Variants in DERL2 observed in about 807,000 individuals in gnomAD.
DERL2 encodes the protein derlin-2.
DERL2 carries 13 observed loss-of-function variants against 32.0 expected under a neutral mutation model. The ratio of observed to expected loss-of-function variants is 0.41; its 90% confidence interval spans 0.26 to 0.65. The LOEUF is 0.65. Among genes scored for constraint, DERL2 ranks in the 30% least tolerant of loss-of-function variants. The pLI is 0.35. For synonymous variants in DERL2, 111 were observed against 104.7 expected (o/e 1.06, Z -0.37); for missense variants, 208 against 296.3 (o/e 0.70, Z 2.19).
intron 6 of DERL2, among the ~76,000 whole-genome samples, chr17:5,475,846 A>G (rs1396205361): frequency 2.0e-5 from 3 of 152,214 alleles, no homozygotes; most frequent in Non-Finnish European, 4.4e-5. Flanking sequence ...AAAAAGGACA[A>G]ATATTGTATG....
chr17:5,471,266 TA>T lies in DERL2; in HGVS notation c.*3417del, dbSNP rs1371360317. ...TACCAGATAATACTTTGCTGATCAA[TA>T]AACAAAGGTATTTATTCAGCACCCA... On this transcript the variant is annotated 3_prime_UTR_variant, in exon 7 of 7. Transcript: ENST00000158771. 1 of 152,250 alleles carries T rather than the reference TA, an allele frequency of 6.6e-6. No homozygotes were observed. The highest frequency in any genetic ancestry group is 1.5e-5 in the Non-Finnish European group (1 of 68,036). The allele number at this position is 152,250 out of a possible 1,614,324, so 9.4% of individuals were successfully genotyped here.
chr17:5,482,730 A>C (rs1380838937), intron 3 of DERL2, 79 bp downstream of exon 3: 1 of 804,900 alleles, frequency 1.2e-6, no homozygotes, highest in African/African-American at 1.8e-5. Flanking sequence ...AAAAACAAGT[A>C]ACAGGATGAA....
chr17:5,481,201 G>T lies in DERL2; in HGVS notation c.327+95C>A. On this transcript the variant is annotated intron_variant, in intron 4 of 6. Transcript: ENST00000158771. This position sits in a 1 kb window ranked among gnomAD's most constrained non-coding sequence, Gnocchi z 4.4. Reference sequence around the variant, plus strand: ...GTAAAATAAATGATAGTGCCCTGAAGCTAAGATCTAGAGAACTGTGGGAGA... The same window carrying T: ...GTAAAATAAATGATAGTGCCCTGAATCTAAGATCTAGAGAACTGTGGGAGA... The T allele has an allele frequency of 4.3e-6, 4 of 921,912 alleles. No homozygotes were observed. The highest frequency in any genetic ancestry group is 7.1e-6 in the Non-Finnish European group (4 of 566,188). 57.1% of individuals were successfully genotyped at this position (921,912 alleles called of 1,614,324 possible).
At chr17:5,484,969 C>G (rs1381846064) in intron 2 of DERL2, among the ~76,000 whole-genome samples, 182 bp downstream of exon 2, 1 of 152,248 alleles carries the variant, frequency 6.6e-6, no homozygotes. Flanking sequence ...TTCAAAGTTC[C>G]CTAAGGGATT....
At position 5,472,581 on chromosome 17, in the gene DERL2, T is replaced by C. The variant is rs1413347944; in HGVS notation, c.*2103A>G. 1 of 152,240 alleles carries C rather than the reference T, an allele frequency of 6.6e-6. No homozygotes were observed. The highest frequency in any genetic ancestry group is 1.5e-5 in the Non-Finnish European group (1 of 68,046). The allele number at this position is 152,240 out of a possible 1,614,324, so 9.4% of individuals were successfully genotyped here. On this transcript the variant is annotated 3_prime_UTR_variant, in exon 7 of 7. Coordinates refer to ENST00000158771, the MANE Select transcript of DERL2 (RefSeq NM_016041.5). ...CAAAAACCCTGTAACTGCCTGCCTT[T>C]AGGCTGTATATTCAAAATGTATTTC...
In DERL2 at chr17:5,481,359, G is replaced by A. The variant is rs771869791; in HGVS notation, c.264C>T (p.Gly88=). 3.0e-5 allele frequency: 49 copies of A among 1,613,938 alleles called. No individual in the cohort carries two copies. Among genetic ancestry groups the A allele is most frequent in the East Asian group, 2.5e-4 (11 of 44,892 alleles). Residue 88 remains glycine (G), a synonymous_variant, in exon 4 of 7, where the codon GGC becomes GGT. Transcript: ENST00000158771. The surrounding 1 kb of genome is among the most constrained non-coding windows in gnomAD (Gnocchi z 4.4). ...AGTCTGCTGTCCGACCTCGGAAAGAGCCTTCTTCTAGCATTCGACAGTAAC... is the reference window on the plus strand; with the variant it reads ...AGTCTGCTGTCCGACCTCGGAAAGAACCTTCTTCTAGCATTCGACAGTAAC... ...LYRYCRMLEE[G]SFRGRTADFV...
chr17:5,474,873 GT>G lies in DERL2; in HGVS notation c.615-85del, dbSNP rs1479284197. ...ACAAGGTCAGTTCAGGCCCCATAGG[GT>G]TTCCACCAATAGGTAAGCATTACAC... On this transcript the variant is annotated intron_variant, in intron 6 of 6. Coordinates refer to ENST00000158771, the MANE Select transcript of DERL2 (RefSeq NM_016041.5). This position sits in a 1 kb window ranked among gnomAD's most constrained non-coding sequence, Gnocchi z 4.3. The G allele has an allele frequency of 1.1e-6, 1 of 924,138 alleles. No individual in the cohort carries two copies. The highest frequency in any genetic ancestry group is 1.7e-5 in the African/African-American group (1 of 58,612). 57.2% of individuals were successfully genotyped at this position (924,138 alleles called of 1,614,324 possible). A position where few individuals can be genotyped will look rare whatever the true frequency, so the allele number is the denominator to read the frequency against.
rs1905672378 is a variant in DERL2, at chr17:5,480,084, C to G, written c.584G>C (p.Gly195Ala). ...AGATGGTGTTTTCAGAATTCTTATT[C>G]CACCAGGTTGATTGGGAAATACATC... Reference protein sequence around the residue: ...LEDVFPNQPGGIRILKTPSIL... With the variant: ...LEDVFPNQPGAIRILKTPSIL... Residue 195 changes from glycine (G) to alanine (A), a missense_variant, in exon 6 of 7, where the codon GGA (glycine) becomes GCA (alanine). Around this residue, in one of 3 missense-constraint regions of DERL2, gnomAD observed 124 missense variants for 215.3 expected, o/e 0.58. Transcript: ENST00000158771. 1.9e-6 allele frequency: 3 copies of G among 1,609,640 alleles called. No individual in the cohort carries two copies. The East Asian group carries it at 6.7e-5, about 36-fold the overall frequency.
rs896243883 is a variant in DERL2, at chr17:5,474,941, A to G, written c.615-152T>C. 2.1e-6 allele frequency: 1 copy of G among 465,864 alleles called. No individual in the cohort carries two copies. Among genetic ancestry groups the G allele is most frequent in the Non-Finnish European group, 3.8e-6 (1 of 263,642 alleles). The allele number at this position is 465,864 out of a possible 1,614,324, so 28.9% of individuals were successfully genotyped here. A position where few individuals can be genotyped will look rare whatever the true frequency, so the allele number is the denominator to read the frequency against. Reference sequence around the variant, plus strand: ...CAGTTAACATATTGTAAGAGCATCTATAATTATTAACATTTACATTAGCTT... The same window carrying G: ...CAGTTAACATATTGTAAGAGCATCTGTAATTATTAACATTTACATTAGCTT... On this transcript the variant is annotated intron_variant, in intron 6 of 6. Transcript: ENST00000158771. The surrounding 1 kb of genome is among the most constrained non-coding windows in gnomAD (Gnocchi z 4.3).
chr17:5,474,737 C>T lies in DERL2; in HGVS notation c.667G>A (p.Glu223Lys), dbSNP rs754852260. The T allele has an allele frequency of 1.2e-6, 2 of 1,613,952 alleles. No homozygotes were observed. The highest frequency in any genetic ancestry group is 2.2e-5 in the East Asian group (1 of 44,850). ...DEDPNYNPLP[E>K]ERPGGFAWGE... is the part of the protein sequence containing the mutation. ...CAGGCGAAGCCTCCTGGCCGTTCCT[C>T]AGGTAGTGGATTGTAATTTGGATCC... The change falls in exon 7 of 7, where the codon GAG (glutamate) becomes AAG (lysine). Residue 223 changes from glutamate to lysine, a missense_variant. This residue lies in a region of DERL2 where 40 missense variants were observed against 38.7 expected (regional missense o/e 1.03). Transcript: ENST00000158771. This position sits in a 1 kb window ranked among gnomAD's most constrained non-coding sequence, Gnocchi z 4.3.
chr17:5,476,775 C>T (rs9898989), intron 6 of DERL2, among the ~76,000 whole-genome samples: 1 of 152,014 alleles, frequency 6.6e-6, no homozygotes, highest in Non-Finnish European at 1.5e-5. Flanking sequence ...AGCAAGAATC[C>T]GTTTCAAAAA....
intron 6 of DERL2, among the ~76,000 whole-genome samples, chr17:5,476,451 T>A (rs138519273): frequency 6.6e-6 from 1 of 152,156 alleles, no homozygotes; most frequent in Non-Finnish European, 1.5e-5. Flanking sequence ...AACGTGAGAA[T>A]GTTTGCTCTC....
intron 6 of DERL2, among the ~76,000 whole-genome samples, chr17:5,475,955 G>A (rs1905356456): frequency 6.6e-6 from 1 of 152,208 alleles, no homozygotes; most frequent in African/African-American, 2.4e-5. Context: ...TTGTAGTTCT[G>A]TAGGATGAAG....
Position 5,481,404 on chromosome 17 carries a change from T to C in DERL2, c.234-15A>G. 1 of 1,584,166 alleles carries C rather than the reference T, an allele frequency of 6.3e-7. No individual in the cohort carries two copies. The highest frequency in any genetic ancestry group is 8.7e-7 in the Non-Finnish European group (1 of 1,153,216). On this transcript the variant is annotated splice_polypyrimidine_tract_variant and intron_variant, in intron 3 of 6. Transcript: ENST00000158771. The surrounding 1 kb of genome is among the most constrained non-coding windows in gnomAD (Gnocchi z 4.4). ...AGTAACGATATCTTAAGTTCCAAGTTAAGAAAATATTAAGCACACGAATAT... is the reference window on the plus strand; with the variant it reads ...AGTAACGATATCTTAAGTTCCAAGTCAAGAAAATATTAAGCACACGAATAT...
chr17:5,485,925 T>C (rs1906223403), intron 1 of DERL2, 144 bp downstream of exon 1: 1 of 603,974 alleles, frequency 1.7e-6, no homozygotes, highest in East Asian at 3.1e-5. Context: ...TGGCGCCAAC[T>C]CGAACCCCAG....
At chr17:5,486,358 C>CG, upstream of DERL2, 1 of 453,726 alleles carries the variant, frequency 2.2e-6, no homozygotes, top group East Asian at 3.7e-5. Context: ...TCGCCACCGC[C>CG]CCCCCCCAGC....
At chr17:5,486,246 G>C, upstream of DERL2, 1 of 1,136,276 alleles carries the variant, frequency 8.8e-7, no homozygotes, top group Non-Finnish European at 1.2e-6. Context: ...GGGCCCAAAG[G>C]CCCCCCGCCC....
chr17:5,485,075 A>G (rs1445153291), intron 2 of DERL2, 76 bp downstream of exon 2: 2 of 1,084,884 alleles, frequency 1.8e-6, no homozygotes, highest in African/African-American at 1.6e-5. Flanking sequence ...AGGATAGTGT[A>G]TAACAGGATT....
At chr17:5,480,727 G>C (rs541553336) in intron 4 of DERL2, 145 bp from the exon 5 acceptor site, 30 of 667,916 alleles carry the variant, frequency 4.5e-5, no homozygotes, top group African/African-American at 4.4e-4. Context: ...GAAACACCCA[G>C]AAAATAATTA....
Sources: allele counts gnomAD v4.1 joint callset (sites outside exome capture counted in the v4.1 genomes callset), GRCh38; gene constraint gnomAD v4.1.1; regional missense constraint gnomAD v4.1.1; non-coding constraint Gnocchi (gnomAD v3.1); transcripts MANE v1.5; gene names NCBI Gene and HGNC (gene_info 2026-07-23, HGNC 2026-07-21).